IGSF10: variants seen among roughly 807,000 people sequenced by gnomAD.
The protein encoded by IGSF10 is calvaria mechanical force protein 608.
In IGSF10, 126 loss-of-function variants were observed where a neutral mutation model predicts 128.2. That is an observed-to-expected ratio of 0.98 (90% CI 0.85 to 1.14). IGSF10 has a LOEUF of 1.14. Ranked by LOEUF, IGSF10 falls within the 50% of genes most tolerant of loss-of-function variation. The probability of loss-of-function intolerance (pLI) is 0.00; values close to 1 mark genes in which losing one functional copy is unlikely to be tolerated. For synonymous variants in IGSF10, 1,185 were observed against 1,146.2 expected (o/e 1.03, Z -0.68); for missense variants, 3,295 against 3,149.8 (o/e 1.05, Z -1.10).
chr3:151,612,419 A>G, the IGSF10 span, among the ~76,000 whole-genome samples: 1 of 152,196 alleles, frequency 6.6e-6, no homozygotes, highest in East Asian at 1.9e-4. Flanking sequence ...CATGGAAAAT[A>G]CTTTTACAGG....
chr3:151,593,563 T>C, the IGSF10 span, among the ~76,000 whole-genome samples: 1 of 151,948 alleles, frequency 6.6e-6, no homozygotes, highest in Non-Finnish European at 1.5e-5. Flanking sequence ...GTTGTACCTA[T>C]GTAAAAATGA....
chr3:151,591,663 G>GA, the IGSF10 span, among the ~76,000 whole-genome samples: 15 of 151,878 alleles, frequency 9.9e-5, no homozygotes, highest in Non-Finnish European at 1.8e-4. Context: ...TCCTTCTAGA[G>GA]AAAAAATGCT....
upstream of IGSF10, among the ~76,000 whole-genome samples, chr3:151,463,523 G>GTTT (rs745415781): frequency 0.01 from 324 of 31,158 alleles, 91 homozygotes; most frequent in Non-Finnish European, 0.012. Context: ...ACATTTTCTG[G>GTTT]TTTTTTTTTT....
chr3:151,600,418 A>T, the IGSF10 span, among the ~76,000 whole-genome samples: 1 of 152,142 alleles, frequency 6.6e-6, no homozygotes, highest in Non-Finnish European at 1.5e-5. Flanking sequence ...TTTGTAATTC[A>T]CAAAGTAATG....
the IGSF10 span, among the ~76,000 whole-genome samples, chr3:151,574,671 T>C: frequency 3.3e-5 from 5 of 152,366 alleles, no homozygotes; most frequent in Admixed American, 3.3e-4. Context: ...AACATCCTCC[T>C]TTAGCTCAGA....
the IGSF10 span, among the ~76,000 whole-genome samples, chr3:151,582,261 AT>A: frequency 0.033 from 4,199 of 126,134 alleles, 82 homozygotes; most frequent in African/African-American, 0.065. Flanking sequence ...ATATATTTTT[AT>A]TTTTAAATAA....
At chr3:151,592,894 T>C in the IGSF10 span, among the ~76,000 whole-genome samples, 4 of 152,102 alleles carry the variant, frequency 2.6e-5, no homozygotes, top group South Asian at 2.1e-4. Context: ...AATGTTTGGG[T>C]ATTGCAATAT....
At chr3:151,481,853 T>C in the IGSF10 span, among the ~76,000 whole-genome samples, 153 of 152,176 alleles carry the variant, frequency 1.0e-3, no homozygotes, top group African/African-American at 3.5e-3. Flanking sequence ...TTAAAGTCCT[T>C]ACCCTAATAA....
intron 4 of IGSF10, among the ~76,000 whole-genome samples, chr3:151,456,217 C>T (rs1721783442): frequency 6.6e-6 from 1 of 152,176 alleles, no homozygotes; most frequent in South Asian, 2.1e-4. Flanking sequence ...ATTGCTCTCA[C>T]CATGGTTATA....
chr3:151,609,935 T>A, the IGSF10 span, among the ~76,000 whole-genome samples: 1 of 152,172 alleles, frequency 6.6e-6, no homozygotes, highest in Non-Finnish European at 1.5e-5. Context: ...AAACTCAGCA[T>A]CATGCAGTAC....
At position 151,437,788 on chromosome 3, in the gene IGSF10, T is replaced by A; in HGVS notation, c.6773A>T (p.His2258Leu). ...TGTCCCTTCAGCTCTGCAGTCAAAGTGTTTTTTGGAATGTCTCACAGCTGT... is the reference window on the plus strand; with the variant it reads ...TGTCCCTTCAGCTCTGCAGTCAAAGAGTTTTTTGGAATGTCTCACAGCTGT... Reference protein sequence around the residue: ...KATAVRHSKKHFDCRAEGTPS... With the variant: ...KATAVRHSKKLFDCRAEGTPS... The change falls in exon 8 of 8, where the codon CAC becomes CTC. Residue 2258 changes from histidine (H) to leucine (L), a missense_variant. Physicochemically the swap from His to Leu is moderately conservative, Grantham distance 99. Transcript: ENST00000282466. The A allele has an allele frequency of 6.2e-7, 1 of 1,613,884 alleles. No homozygotes were observed. Among genetic ancestry groups the A allele is most frequent in the Non-Finnish European group, 8.5e-7 (1 of 1,179,988 alleles).
chr3:151,596,558 G>C, the IGSF10 span, among the ~76,000 whole-genome samples: 3 of 152,154 alleles, frequency 2.0e-5, no homozygotes, highest in Non-Finnish European at 4.4e-5. Flanking sequence ...AATTGCCTAT[G>C]TGTATCTTGT....
At chr3:151,542,273 A>G in the IGSF10 span, among the ~76,000 whole-genome samples, 2 of 152,190 alleles carry the variant, frequency 1.3e-5, no homozygotes, top group African/African-American at 4.8e-5. Flanking sequence ...CTTTATATAT[A>G]ATATTGGACA....
chr3:151,526,906 C>G, the IGSF10 span, among the ~76,000 whole-genome samples: 11 of 152,296 alleles, frequency 7.2e-5, no homozygotes, highest in Middle Eastern at 0.01. Context: ...GCACTGTGGC[C>G]ACCAGCTTGA....
chr3:151,528,879 G>A, the IGSF10 span, among the ~76,000 whole-genome samples: 1 of 151,788 alleles, frequency 6.6e-6, no homozygotes, highest in South Asian at 2.1e-4. Flanking sequence ...GGAAAGGGGG[G>A]CTGAAGCCAG....
the IGSF10 span, among the ~76,000 whole-genome samples, chr3:151,526,648 TA>T: frequency 6.6e-6 from 1 of 152,146 alleles, no homozygotes; most frequent in Non-Finnish European, 1.5e-5. Context: ...CCTCTAATAT[TA>T]AAAAAATTTA....
the IGSF10 span, among the ~76,000 whole-genome samples, chr3:151,557,640 A>G: frequency 3.3e-5 from 5 of 152,016 alleles, no homozygotes; most frequent in Non-Finnish European, 7.4e-5. Flanking sequence ...AAGTAGCATT[A>G]GCTGGCTTTA....
chr3:151,448,728 A>G lies in IGSF10; in HGVS notation c.1253T>C (p.Ile418Thr), dbSNP rs539506233. ...GGGATCTGCTCTGAGATCTGCCTCT[A>G]TGTTGGTAAAAATGTCTTCAGGCTT... is the stretch of plus-strand genomic sequence containing the variant. ...APKPEDIFTN[I>T]EADLRADPSW... The change falls in exon 6 of 8, where the codon ATA becomes ACA. Residue 418 changes from isoleucine to threonine, a missense_variant. Ile to Thr is a moderately conservative substitution (Grantham distance 89). Transcript: ENST00000282466. The G allele has an allele frequency of 1.5e-4, 250 of 1,613,762 alleles. 3 individuals carry two copies. The South Asian group carries it at 2.7e-3, about 17-fold the overall frequency.
chr3:151,437,246 G>A lies in IGSF10; in HGVS notation c.7315C>T (p.Pro2439Ser). The change falls in exon 8 of 8, where the codon CCA becomes TCA. Residue 2439 changes from proline (P) to serine (S), a missense_variant. Physicochemically the swap from Pro to Ser is moderately conservative, Grantham distance 74. Coordinates refer to ENST00000282466, the MANE Select transcript of IGSF10 (RefSeq NM_178822.5). The part of the protein sequence containing the change: ...GQKPVILTYA[P>S]GTVKGISGES... The stretch of plus-strand genomic sequence containing the variant: ...CCACTGATGCCTTTTACTGTCCCTG[G>A]TGCATAGGTAAGAATAACTGGCTTC... 6.2e-7 allele frequency: 1 copy of A among 1,614,132 alleles called. No homozygotes were observed. The highest frequency in any genetic ancestry group is 2.2e-5 in the East Asian group (1 of 44,882).
Sources: allele counts gnomAD v4.1 joint callset (sites outside exome capture counted in the v4.1 genomes callset), GRCh38; gene constraint gnomAD v4.1.1; transcripts MANE v1.5; gene names NCBI Gene and HGNC (gene_info 2026-07-23, HGNC 2026-07-21).